The following PIEZO2 variants were observed in gnomAD, a reference collection of about 807,000 sequenced individuals.
The protein encoded by PIEZO2 is piezo-type mechanosensitive ion channel component 2.
A neutral mutation model predicts 337.3 loss-of-function variants in PIEZO2; 172 were observed. The ratio of observed to expected loss-of-function variants is 0.51; its 90% CI spans 0.45 to 0.58. The LOEUF (loss-of-function observed/expected upper bound fraction) is 0.58. PIEZO2 is among the 20% of genes least tolerant of loss of function. The probability of loss-of-function intolerance (pLI) is 0.00; values close to 1 mark genes in which losing one functional copy is unlikely to be tolerated. For missense variants in PIEZO2, 3,028 were observed against 3,391.3 expected (o/e 0.89, Z 2.66); for synonymous variants, 1,251 against 1,228.5 (o/e 1.02, Z -0.38).
chr18:10,841,041 G>A (rs1036080037), intron 7 of PIEZO2, among the ~76,000 whole-genome samples: 1 of 152,182 alleles, frequency 6.6e-6, no homozygotes, highest in African/African-American at 2.4e-5. Flanking sequence ...TAGAGGAAGG[G>A]ACAGACAACG....
intron 7 of PIEZO2, among the ~76,000 whole-genome samples, chr18:10,827,027 G>T (rs2144508645): frequency 6.6e-6 from 1 of 152,118 alleles, no homozygotes; most frequent in East Asian, 1.9e-4. Flanking sequence ...GCCTCACTCT[G>T]ACCTATGTTT....
chr18:11,012,375 C>G (rs2035937936), intron 2 of PIEZO2, among the ~76,000 whole-genome samples: 1 of 152,176 alleles, frequency 6.6e-6, no homozygotes, highest in African/African-American at 2.4e-5. Flanking sequence ...ATATAGGACA[C>G]TTAGAGCAGT....
rs1178165151 is a variant in PIEZO2, at chr18:10,847,746, AC to A, written c.917+7606del. Among the ~76,000 whole-genome samples, 2 of 152,184 alleles carry A rather than the reference AC, an allele frequency of 1.3e-5. No homozygotes were observed. The stretch of plus-strand genomic sequence containing the variant: ...TAAGCATAAATGAACTCTGAATGAG[AC>A]CTGTAGAATAAGTCACTTCATCATT... On this transcript the variant is annotated intron_variant, in intron 7 of 55. Coordinates refer to ENST00000674853, the MANE Select transcript of PIEZO2 (RefSeq NM_001378183.1). The surrounding 1 kb of genome is among the most constrained non-coding windows in gnomAD (Gnocchi z 5.7).
Position 10,670,671 on chromosome 18 carries a change from T to A in PIEZO2, c.*856A>T, listed in dbSNP as rs1362433881. ...AGGGAAGGGGAAGGCAGAAGAGCGG[T>A]CCTGACCTCAGTTATTAAAGAGTTA... On this transcript the variant is annotated 3_prime_UTR_variant, in exon 56 of 56. Transcript: ENST00000674853. 6.6e-6 allele frequency: 1 copy of A among 152,380 alleles called. No individual in the cohort carries two copies. Among genetic ancestry groups the A allele is most frequent in the Non-Finnish European group, 1.5e-5 (1 of 68,026 alleles). The allele number at this position is 152,380 out of a possible 1,614,324, so 9.4% of individuals were successfully genotyped here. A position where few individuals can be genotyped will look rare whatever the true frequency, so the allele number is the denominator to read the frequency against.
At position 10,696,530 on chromosome 18, in the gene PIEZO2, C is replaced by A. The variant is rs750300884; in HGVS notation, c.6837G>T (p.Glu2279Asp). The A allele has an allele frequency of 6.2e-7, 1 of 1,613,364 alleles. No individual in the cohort carries two copies. The highest frequency in any genetic ancestry group is 8.5e-7 in the Non-Finnish European group (1 of 1,179,964). The change falls in exon 46 of 56, where the codon GAG becomes GAT. Residue 2279 changes from glutamate to aspartate, a missense_variant. By Grantham distance (45) the Glu-to-Asp change is conservative (BLOSUM62 2). Around this residue, in one of 5 missense-constraint regions of PIEZO2, gnomAD observed 1,925 missense variants for 2,051.9 expected, o/e 0.94. Coordinates refer to ENST00000674853, the MANE Select transcript of PIEZO2 (RefSeq NM_001378183.1). ...AGAACTGTTTGATGGGCACATAGAT[C>A]TCCAGCGTCCTGCAAAATGGAGACC... ...AKAFTIKKTL[E>D]IYVPIKQFFY...
intron 3 of PIEZO2, among the ~76,000 whole-genome samples, chr18:10,955,567 A>G (rs1215919677): frequency 6.6e-6 from 1 of 152,180 alleles, no homozygotes; most frequent in Admixed American, 6.5e-5. Context: ...CCCAAAACAA[A>G]AGCTCCATGT....
intron 3 of PIEZO2, among the ~76,000 whole-genome samples, chr18:10,939,834 A>G (rs1227362564): frequency 6.6e-6 from 1 of 152,088 alleles, no homozygotes; most frequent in Non-Finnish European, 1.5e-5. Flanking sequence ...CTTAAAACCT[A>G]GATGATGAGT....
chr18:10,684,256 C>T (rs1277673327), intron 49 of PIEZO2, among the ~76,000 whole-genome samples: 1 of 134,110 alleles, frequency 7.5e-6, no homozygotes, highest in African/African-American at 2.8e-5. Flanking sequence ...AGCTCCACCT[C>T]CTGGGTTCAC....
chr18:10,842,877 T>G (rs1022921023), intron 7 of PIEZO2, among the ~76,000 whole-genome samples: 4 of 152,220 alleles, frequency 2.6e-5, no homozygotes, highest in Admixed American at 1.3e-4. Context: ...TATTAAAACG[T>G]TTGTCAAGTT....
intron 2 of PIEZO2, among the ~76,000 whole-genome samples, chr18:11,008,565 C>T (rs1400035523): frequency 6.6e-6 from 1 of 152,220 alleles, no homozygotes; most frequent in African/African-American, 2.4e-5. Flanking sequence ...GCTTCCAAAA[C>T]ATGACTCGGC....
At chr18:11,011,944 G>T (rs1389246193) in intron 2 of PIEZO2, among the ~76,000 whole-genome samples, 1 of 152,150 alleles carries the variant, frequency 6.6e-6, no homozygotes, top group African/African-American at 2.4e-5. Context: ...TCACATAACT[G>T]CACTTCTGCC....
At position 11,101,656 on chromosome 18, in the gene PIEZO2, G is replaced by A. The variant is rs1168316167; in HGVS notation, c.65-35434C>T. ...CTCAAACCTGTCAATTTGAAAAACC[G>A]ATGACTATGTTCAGTGTTTATATCC... On this transcript the variant is annotated intron_variant, in intron 1 of 55. Coordinates refer to ENST00000674853, the MANE Select transcript of PIEZO2 (RefSeq NM_001378183.1). This position sits in a 1 kb window ranked among gnomAD's most constrained non-coding sequence, Gnocchi z 4.4. 6.6e-6 allele frequency among the ~76,000 whole-genome samples: 1 copy of A among 152,102 alleles called. No individual in the cohort carries two copies. Among genetic ancestry groups the A allele is most frequent in the Non-Finnish European group, 1.5e-5 (1 of 68,020 alleles).
intron 47 of PIEZO2, among the ~76,000 whole-genome samples, chr18:10,694,542 C>T (rs1265674987): frequency 6.6e-6 from 1 of 152,146 alleles, no homozygotes. Flanking sequence ...TAAAATAGTA[C>T]ATCATTGACC....
rs200448203 is a variant in PIEZO2, at chr18:10,678,285, TTTG to T, written c.7953-413_7953-411del. On this transcript the variant is annotated intron_variant, in intron 52 of 55. Coordinates refer to ENST00000674853, the MANE Select transcript of PIEZO2 (RefSeq NM_001378183.1). The stretch of plus-strand genomic sequence containing the variant: ...TTAATTGTTCTGTTTTTTTGTTGTT[TTTG>T]TTGTTGTTGTTGTTTTTAGTAGCTC... 3.6e-3 allele frequency among the ~76,000 whole-genome samples: 548 copies of T among 152,290 alleles called. 2 individuals carry two copies. Among genetic ancestry groups the T allele is most frequent in the African/African-American group, 0.012 (482 of 41,544 alleles).
rs181395708 is a variant in PIEZO2 at position 10,724,385 on chromosome 18, C to A, written c.5030-6126G>T. 5.9e-5 allele frequency among the ~76,000 whole-genome samples: 9 copies of A among 152,242 alleles called. No homozygotes were observed. The highest frequency in any genetic ancestry group is 4.6e-4 in the Admixed American group (7 of 15,288). ...AAAAACAAAAACGAAAACAAAAGTG[C>A]TTTCTCCTGGCCCAGCATACTTGGG... On this transcript the variant is annotated intron_variant, in intron 36 of 55. Transcript: ENST00000674853. This position sits in a 1 kb window ranked among gnomAD's most constrained non-coding sequence, Gnocchi z 5.8.
chr18:10,720,403 GTATGTGTATGTGTA>G (rs1404417283), intron 36 of PIEZO2, among the ~76,000 whole-genome samples: 325 of 16,896 alleles, frequency 0.019, 5 homozygotes, highest in Middle Eastern at 0.056. Flanking sequence ...GTGTGTGTGT[GTATGTGTATGTGTA>G]TGTATATATA....
At chr18:10,936,775 A>G (rs1013313319) in intron 3 of PIEZO2, among the ~76,000 whole-genome samples, 2 of 152,202 alleles carry the variant, frequency 1.3e-5, no homozygotes, top group Non-Finnish European at 2.9e-5. Context: ...TGAAAGCTCA[A>G]TTTTGCTGGG....
At chr18:10,957,266 G>T (rs1328510250) in intron 3 of PIEZO2, among the ~76,000 whole-genome samples, 2 of 151,984 alleles carry the variant, frequency 1.3e-5, no homozygotes, top group African/African-American at 4.8e-5. Context: ...GCATGGTGGC[G>T]TGAGCCTGTA....
intron 13 of PIEZO2, 167 bp from the exon 14 acceptor site, chr18:10,791,491 T>C (rs556813908): frequency 1.5e-6 from 1 of 663,052 alleles, no homozygotes; most frequent in Non-Finnish European, 2.2e-6. Flanking sequence ...GATTCACTGC[T>C]TTTAAGTCCC....
Sources: gnomAD v4.1 joint callset for allele counts (sites outside exome capture counted in the v4.1 genomes callset) on GRCh38, gnomAD v4.1.1 for gene constraint, gnomAD v4.1.1 regional missense constraint, Gnocchi (gnomAD v3.1) non-coding constraint, MANE v1.5 for transcripts, NCBI Gene and HGNC (gene_info 2026-07-23, HGNC 2026-07-21) for gene names.